The following MEI4 variants were observed in gnomAD, a reference collection of about 807,000 sequenced individuals.
MEI4 encodes the protein meiotic double-stranded break formation protein 4, also known as meiosis-specific protein MEI4.
Under a neutral mutation model 31.4 loss-of-function variants are expected in MEI4, and 27 were observed. The ratio of observed to expected loss-of-function variants is 0.86; its 90% confidence interval spans 0.63 to 1.19. The LOEUF (loss-of-function observed/expected upper bound fraction) is 1.19, where lower values mean the gene tolerates loss of function less well. Ranked by LOEUF, MEI4 falls within the 50% of genes most tolerant of loss-of-function variation. The pLI, the probability that MEI4 is intolerant of heterozygous loss-of-function variation, is 0.00. For synonymous variants in MEI4, 122 were observed against 145.4 expected, an observed-to-expected ratio of 0.84 and a Z score of 1.16; for missense variants, 329 against 398.9, an observed-to-expected ratio of 0.82 and a Z score of 1.49.
intron 2 of MEI4, among the ~76,000 whole-genome samples, chr6:77,696,773 G>A (rs1766056855): frequency 1.3e-5 from 2 of 151,970 alleles, no homozygotes; most frequent in South Asian, 2.1e-4. Context: ...GATGATGCTG[G>A]CCTCATAAAA....
At chr6:77,819,554 A>G (rs1459852173) in intron 3 of MEI4, among the ~76,000 whole-genome samples, 1 of 152,154 alleles carries the variant, frequency 6.6e-6, no homozygotes, top group Non-Finnish European at 1.5e-5. Flanking sequence ...TCCCTAAGTG[A>G]TACCCTAAGC....
At chr6:77,807,508 C>A (rs1207551766) in intron 3 of MEI4, among the ~76,000 whole-genome samples, 1 of 152,092 alleles carries the variant, frequency 6.6e-6, no homozygotes, top group Admixed American at 6.5e-5. Flanking sequence ...TTTTTATCTA[C>A]CCTTGCTCCT....
chr6:77,810,463 A>G (rs1215421201), intron 3 of MEI4, among the ~76,000 whole-genome samples: 1 of 151,992 alleles, frequency 6.6e-6, no homozygotes, highest in African/African-American at 2.4e-5. Context: ...ATGATCATAC[A>G]GGTGAGACTA....
At position 77,765,894 on chromosome 6, in the gene MEI4, G is replaced by A. The variant is rs558640316; in HGVS notation, c.768+4229G>A. On this transcript the variant is annotated intron_variant, in intron 3 of 4. Coordinates refer to ENST00000684080, the MANE Select transcript of MEI4 (RefSeq NM_001322247.2). ...GAGTTCATGTCCTTTGTAGGATGAA[G>A]CTGGAAACCATCATTCTCAGCAAAG... Among the ~76,000 whole-genome samples, 212 of 152,252 alleles carry A rather than the reference G, an allele frequency of 1.4e-3. 1 individual carries two copies. The highest frequency in any genetic ancestry group is 4.5e-3 in the African/African-American group (186 of 41,554).
At chr6:77,770,619 A>C (rs1411782677) in intron 3 of MEI4, among the ~76,000 whole-genome samples, 1 of 152,186 alleles carries the variant, frequency 6.6e-6, no homozygotes, top group Non-Finnish European at 1.5e-5. Flanking sequence ...GCTACAGTAA[A>C]TGAAACAGCA....
chr6:77,766,697 C>A (rs941958943), intron 3 of MEI4, among the ~76,000 whole-genome samples: 1 of 152,064 alleles, frequency 6.6e-6, no homozygotes, highest in Non-Finnish European at 1.5e-5. Context: ...CAGGCGTGAG[C>A]CTGTAATCAA....
chr6:77,669,656 T>C (rs1014247205), intron 1 of MEI4, among the ~76,000 whole-genome samples: 1 of 152,184 alleles, frequency 6.6e-6, no homozygotes, highest in African/African-American at 2.4e-5. Flanking sequence ...ATATATACAT[T>C]TTATACACAT....
At chr6:77,735,310 T>G (rs1365318817) in intron 2 of MEI4, among the ~76,000 whole-genome samples, 2 of 151,890 alleles carry the variant, frequency 1.3e-5, no homozygotes, top group Non-Finnish European at 2.9e-5. Context: ...TAGTCCCATA[T>G]TTCTTGGAGG....
At chr6:77,726,776 C>G (rs1228791266) in intron 2 of MEI4, among the ~76,000 whole-genome samples, 1 of 152,008 alleles carries the variant, frequency 6.6e-6, no homozygotes, top group Non-Finnish European at 1.5e-5. Flanking sequence ...GACTAGGATG[C>G]TAGCAAGGCT....
At chr6:77,852,557 T>C (rs1339653130) in intron 4 of MEI4, among the ~76,000 whole-genome samples, 3 of 142,578 alleles carry the variant, frequency 2.1e-5, no homozygotes, top group Non-Finnish European at 4.5e-5. Context: ...TTTTTTACTT[T>C]TTTTGTTTTT....
chr6:77,903,589 G>C (rs762875077), intron 4 of MEI4, among the ~76,000 whole-genome samples: 2 of 152,116 alleles, frequency 1.3e-5, no homozygotes, highest in Non-Finnish European at 2.9e-5. Flanking sequence ...CAAGTGGAAA[G>C]AGTGGGTATC....
chr6:77,832,354 A>G (rs1416234775), intron 4 of MEI4, among the ~76,000 whole-genome samples: 2 of 151,978 alleles, frequency 1.3e-5, no homozygotes, highest in African/African-American at 4.8e-5. Flanking sequence ...GTATGTATAT[A>G]TATGTATGTC....
chr6:77,715,010 T>C (rs537167342), intron 2 of MEI4, among the ~76,000 whole-genome samples: 1 of 152,338 alleles, frequency 6.6e-6, no homozygotes, highest in African/African-American at 2.4e-5. Context: ...ATGCCTTATT[T>C]ATCACTTGAG....
In MEI4 at chr6:77,803,134, C is replaced by A. The variant is rs546233786; in HGVS notation, c.769-25797C>A. Among the ~76,000 whole-genome samples the A allele has an allele frequency of 1.4e-3, 212 of 152,302 alleles. 1 individual carries two copies. The highest frequency in any genetic ancestry group is 4.5e-3 in the African/African-American group (186 of 41,566). On this transcript the variant is annotated intron_variant, in intron 3 of 4. Transcript: ENST00000684080. ...CAATCAGTTGTAGATTTGGTCTTTT[C>A]ACATAGTCCCATATTTATTGGAGGC...
At chr6:77,791,390 A>T (rs1480250501) in intron 3 of MEI4, among the ~76,000 whole-genome samples, 3 of 151,726 alleles carry the variant, frequency 2.0e-5, no homozygotes, top group Non-Finnish European at 2.9e-5. Flanking sequence ...AGGGACATGG[A>T]TGAAATTGGA....
chr6:77,894,488 GTCTT>G (rs1766040332), intron 4 of MEI4, among the ~76,000 whole-genome samples: 1 of 151,982 alleles, frequency 6.6e-6, no homozygotes, highest in South Asian at 2.1e-4. Context: ...AGTTCACTAA[GTCTT>G]TCATGTCATG....
chr6:77,792,758 G>A (rs1768972149), intron 3 of MEI4, among the ~76,000 whole-genome samples: 2 of 151,628 alleles, frequency 1.3e-5, no homozygotes, highest in African/African-American at 2.4e-5. Flanking sequence ...TATTGCACAG[G>A]CTGGAGTGCA....
intron 2 of MEI4, among the ~76,000 whole-genome samples, chr6:77,733,343 G>T (rs191538324): frequency 0.023 from 3,479 of 151,992 alleles, 165 homozygotes; most frequent in African/African-American, 0.079. Context: ...ACTTCTTCCT[G>T]GTTTAGTCTT....
intron 3 of MEI4, among the ~76,000 whole-genome samples, chr6:77,816,648 A>T (rs1232662604): frequency 6.6e-6 from 1 of 152,132 alleles, no homozygotes; most frequent in African/African-American, 2.4e-5. Flanking sequence ...TCCTTTGGGT[A>T]TATACCCAGT....
Sources: gnomAD v4.1 joint callset for allele counts (sites outside exome capture counted in the v4.1 genomes callset) on GRCh38, gnomAD v4.1.1 for gene constraint, MANE v1.5 for transcripts, NCBI Gene and HGNC (gene_info 2026-07-23, HGNC 2026-07-21) for gene names.